Variants in CSGALNACT1 observed in about 807,000 individuals in gnomAD.
The protein encoded by CSGALNACT1 is chondroitin sulfate N-acetylgalactosaminyltransferase 1.
Under a neutral mutation model 51.0 loss-of-function variants are expected in CSGALNACT1, and 52 were observed. The observed-to-expected ratio is 1.02, with a 90% CI of 0.82 to 1.29. CSGALNACT1 has a LOEUF of 1.29. CSGALNACT1 is among the 50% of genes most tolerant of loss of function. The pLI, the probability that CSGALNACT1 is intolerant of heterozygous loss-of-function variation, is 0.00. For missense variants in CSGALNACT1, 935 were observed against 679.2 expected (o/e 1.38, Z -4.19); for synonymous variants, 341 against 254.4 (o/e 1.34, Z -3.24).
intron 3 of CSGALNACT1, among the ~76,000 whole-genome samples, chr8:19,527,377 G>C (rs1273153839): frequency 6.6e-6 from 1 of 152,070 alleles, no homozygotes; most frequent in Admixed American, 6.5e-5. Context: ...GAGGAGGGTG[G>C]ATCACTTGAG....
Position 19,544,984 on chromosome 8 carries a change from T to C in CSGALNACT1, c.-296-38854A>G, listed in dbSNP as rs531978252. ...AAATGGGAACCAGGGGAGAAGCCAG[T>C]CAGTCCATCCTTTCAGACATTTTTT... On this transcript the variant is annotated intron_variant, in intron 3 of 9. Transcript: ENST00000454498. 1.1e-4 allele frequency among the ~76,000 whole-genome samples: 17 copies of C among 151,476 alleles called. No individual in the cohort carries two copies. In the South Asian group the frequency reaches 2.5e-3, roughly 22 times the overall value.
chr8:19,642,428 C>CT (rs2056834493), intron 1 of CSGALNACT1, among the ~76,000 whole-genome samples: 1 of 152,066 alleles, frequency 6.6e-6, no homozygotes, highest in African/African-American at 2.4e-5. Context: ...AGCACAGAAA[C>CT]AGACCCTAAG....
At chr8:19,678,068 T>C (rs1167327177) in intron 1 of CSGALNACT1, among the ~76,000 whole-genome samples, 1 of 151,968 alleles carries the variant, frequency 6.6e-6, no homozygotes, top group African/African-American at 2.4e-5. Context: ...ATCGTGCCAC[T>C]GCATTCTAGC....
intron 3 of CSGALNACT1, among the ~76,000 whole-genome samples, chr8:19,533,753 C>T (rs1439501878): frequency 6.6e-6 from 1 of 152,202 alleles, no homozygotes; most frequent in African/African-American, 2.4e-5. Context: ...CCATAATATA[C>T]TGATCATAAT....
chr8:19,670,417 A>G (rs1321136106), intron 1 of CSGALNACT1, among the ~76,000 whole-genome samples: 1 of 152,160 alleles, frequency 6.6e-6, no homozygotes, highest in Non-Finnish European at 1.5e-5. Context: ...TGAACATTTC[A>G]CTTTAGTTTA....
chr8:19,754,128 G>A (rs963918972), intron 1 of CSGALNACT1, among the ~76,000 whole-genome samples: 2 of 151,954 alleles, frequency 1.3e-5, no homozygotes, highest in East Asian at 3.9e-4. Flanking sequence ...CCCTGGTTCA[G>A]GCGATTCTCC....
At position 19,415,764 on chromosome 8, in the gene CSGALNACT1, T is replaced by C. The variant is rs150593622; in HGVS notation, c.1227+2892A>G. Among the ~76,000 whole-genome samples the C allele has an allele frequency of 2.8e-3, 423 of 152,360 alleles. 1 individual carries two copies. Among genetic ancestry groups the C allele is most frequent in the African/African-American group, 9.8e-3 (408 of 41,592 alleles). Reference sequence around the variant, plus strand: ...ACATTACTTAAACCCAAAGGAACTTTAACTTTGATTGGCAGAAAGAAAATA... The same window carrying C: ...ACATTACTTAAACCCAAAGGAACTTCAACTTTGATTGGCAGAAAGAAAATA... On this transcript the variant is annotated intron_variant, in intron 8 of 9. Coordinates refer to ENST00000454498, the Ensembl canonical transcript of CSGALNACT1.
At chr8:19,656,069 C>T (rs981022447) in intron 1 of CSGALNACT1, among the ~76,000 whole-genome samples, 4 of 152,096 alleles carry the variant, frequency 2.6e-5, no homozygotes, top group Non-Finnish European at 5.9e-5. Flanking sequence ...TAGGTGAGGG[C>T]AACTTGTGCT....
chr8:19,410,087 G>A (rs1291389541), intron 8 of CSGALNACT1, among the ~76,000 whole-genome samples: 1 of 152,194 alleles, frequency 6.6e-6, no homozygotes, highest in Non-Finnish European at 1.5e-5. Context: ...TCTACAGGTA[G>A]ATGTCACTTC....
At chr8:19,506,342 T>A (rs1032473487) in intron 3 of CSGALNACT1, among the ~76,000 whole-genome samples, 15 of 152,206 alleles carry the variant, frequency 9.9e-5, no homozygotes, top group Non-Finnish European at 2.2e-4. Flanking sequence ...GAAAAAAGAT[T>A]GGAAGGAAAA....
At chr8:19,556,976 C>A (rs73214622) in intron 3 of CSGALNACT1, among the ~76,000 whole-genome samples, 21,293 of 146,536 alleles carry the variant, frequency 0.15, 1,589 homozygotes, top group African/African-American at 0.18. Flanking sequence ...TACTCTCTGC[C>A]CAGCCAAAAA....
At chr8:19,655,653 T>G (rs1278563203) in intron 1 of CSGALNACT1, among the ~76,000 whole-genome samples, 1 of 152,082 alleles carries the variant, frequency 6.6e-6, no homozygotes, top group Non-Finnish European at 1.5e-5. Flanking sequence ...ACTCCTGTCC[T>G]CAAGTGACCT....
chr8:19,588,403 TTTGATTCCAAGTAAC>T (rs1454442794), intron 3 of CSGALNACT1, among the ~76,000 whole-genome samples: 1 of 152,204 alleles, frequency 6.6e-6, no homozygotes, highest in African/African-American at 2.4e-5. Context: ...TAGAGTATTA[TTTGATTCCAAGTAAC>T]TTGTGAAGTA....
chr8:19,412,366 C>T (rs971214378), intron 8 of CSGALNACT1, among the ~76,000 whole-genome samples: 6 of 152,200 alleles, frequency 3.9e-5, no homozygotes, highest in African/African-American at 1.4e-4. Flanking sequence ...ACACAAAGCA[C>T]AAATCAGCAT....
chr8:19,509,621 C>CAA (rs755422032), intron 3 of CSGALNACT1, among the ~76,000 whole-genome samples: 639 of 56,928 alleles, frequency 0.011, 41 homozygotes, highest in Non-Finnish European at 0.016. Flanking sequence ...GACTCTGTCT[C>CAA]AAAAAAAAAA....
chr8:19,458,356 G>T, intron 5 of CSGALNACT1, 70 bp downstream of exon 4: 1 of 1,233,410 alleles, frequency 8.1e-7, no homozygotes, highest in African/African-American at 1.5e-5. Context: ...TGAAGGAGAT[G>T]ACGGGAAATG....
At chr8:19,539,226 A>C (rs938924769) in intron 3 of CSGALNACT1, among the ~76,000 whole-genome samples, 11 of 152,192 alleles carry the variant, frequency 7.2e-5, no homozygotes, top group African/African-American at 2.2e-4. Context: ...CACCCTTAGC[A>C]AACTTGCAGT....
Position 19,551,053 on chromosome 8 carries a change from G to A in CSGALNACT1, c.-297+40107C>T, listed in dbSNP as rs1215409189. 9.2e-5 allele frequency among the ~76,000 whole-genome samples: 14 copies of A among 152,268 alleles called. No individual in the cohort carries two copies. The East Asian group carries it at 2.5e-3, about 27-fold the overall frequency. On this transcript the variant is annotated intron_variant, in intron 3 of 9. Coordinates refer to ENST00000454498, the Ensembl canonical transcript of CSGALNACT1. ...TCACATCTGTCTTCTGGCAGAGCTT[G>A]TGGTTCTGAAACCACGCCCCAGGGT...
chr8:19,709,718 G>T (rs1173344861), intron 1 of CSGALNACT1, among the ~76,000 whole-genome samples: 6 of 152,176 alleles, frequency 3.9e-5, no homozygotes, highest in Admixed American at 2.0e-4. Flanking sequence ...ATGGAGGTTT[G>T]AGCCTGCCCC....
Sources: gnomAD v4.1 joint callset for allele counts (sites outside exome capture counted in the v4.1 genomes callset) on GRCh38, gnomAD v4.1.1 for gene constraint, MANE v1.5 for transcripts, NCBI Gene and HGNC (gene_info 2026-07-23, HGNC 2026-07-21) for gene names.